ESR1: variants seen among roughly 807,000 people sequenced by gnomAD.
The protein encoded by ESR1 is estrogen receptor 1.
Under a neutral mutation model 52.7 loss-of-function variants are expected in ESR1, and 12 were observed. That is an observed-to-expected ratio of 0.23 (90% confidence interval 0.15 to 0.37). The LOEUF (loss-of-function observed/expected upper bound fraction) is 0.37. Ranked by LOEUF, ESR1 falls within the 10% of genes least tolerant of loss-of-function variation. The probability of loss-of-function intolerance (pLI) is 1.00; values close to 1 mark genes in which losing one functional copy is unlikely to be tolerated. For synonymous variants in ESR1, 305 were observed against 316.8 expected, an observed-to-expected ratio of 0.96 and a Z score of 0.39; for missense variants, 584 against 779.7, an observed-to-expected ratio of 0.75 and a Z score of 2.99.
At chr6:152,031,213 A>G (rs1238635392) in intron 5 of ESR1, among the ~76,000 whole-genome samples, 1 of 152,222 alleles carries the variant, frequency 6.6e-6, no homozygotes, top group Non-Finnish European at 1.5e-5. Flanking sequence ...ACACCCTAAC[A>G]TCACAATTAA....
intron 5 of ESR1, among the ~76,000 whole-genome samples, chr6:152,043,494 T>A (rs1254856103): frequency 1.3e-5 from 2 of 152,190 alleles, no homozygotes; most frequent in Admixed American, 6.5e-5. Context: ...GAACCTCATC[T>A]CTAAGGGGCC....
At chr6:151,864,961 A>C in intron 2 of ESR1, among the ~76,000 whole-genome samples, 1 of 116,786 alleles carries the variant, frequency 8.6e-6, no homozygotes, top group African/African-American at 3.3e-5. Flanking sequence ...GGGGGGAGGG[A>C]TAGCATTAGG....
At chr6:151,798,080 C>T (rs1358833448) in intron 2 of ESR1, among the ~76,000 whole-genome samples, 4 of 152,094 alleles carry the variant, frequency 2.6e-5, no homozygotes, top group Non-Finnish European at 4.4e-5. Context: ...CTGCCGAAAG[C>T]GAGGCCTGAG....
chr6:151,700,120 T>C (rs1051114422), intron 1 of ESR1, among the ~76,000 whole-genome samples: 1 of 152,162 alleles, frequency 6.6e-6, no homozygotes, highest in African/African-American at 2.4e-5. Context: ...GTTGCATGTT[T>C]GTGCAAAATT....
chr6:151,915,189 G>A (rs1440966370), intron 3 of ESR1, among the ~76,000 whole-genome samples: 4 of 149,770 alleles, frequency 2.7e-5, no homozygotes, highest in Admixed American at 6.7e-5. Flanking sequence ...GTGAGATTCC[G>A]TCTCAAAAAA....
chr6:151,749,620 A>G (rs1783751060), intron 2 of ESR1, among the ~76,000 whole-genome samples: 1 of 152,188 alleles, frequency 6.6e-6, no homozygotes, highest in Non-Finnish European at 1.5e-5. Context: ...TACTTCTGAA[A>G]ATACACTGGC....
chr6:152,004,644 C>G (rs866320846), intron 4 of ESR1, among the ~76,000 whole-genome samples: 1 of 151,450 alleles, frequency 6.6e-6, no homozygotes, highest in African/African-American at 2.4e-5. Flanking sequence ...ACCTTTGAAT[C>G]TGTATATGTA....
chr6:151,955,070 A>G (rs994464229), intron 4 of ESR1, among the ~76,000 whole-genome samples: 1 of 152,234 alleles, frequency 6.6e-6, no homozygotes, highest in Non-Finnish European at 1.5e-5. Flanking sequence ...GTCAAAACAC[A>G]TAGCCCCAAT....
chr6:151,855,914 G>A (rs1787744348), intron 2 of ESR1, among the ~76,000 whole-genome samples: 1 of 152,110 alleles, frequency 6.6e-6, no homozygotes. Flanking sequence ...TTTGTCGTTA[G>A]TCATTGCATG....
chr6:151,670,502 A>G (rs1157641204), intron 1 of ESR1, among the ~76,000 whole-genome samples: 1 of 152,178 alleles, frequency 6.6e-6, no homozygotes, highest in Non-Finnish European at 1.5e-5. Context: ...AGCCCAGTTA[A>G]ACGTTTGTTG....
At chr6:151,687,760 T>A (rs1297939759), upstream of ESR1, among the ~76,000 whole-genome samples, 1 of 152,240 alleles carries the variant, frequency 6.6e-6, no homozygotes, top group Non-Finnish European at 1.5e-5. Context: ...TTCATTGTTC[T>A]GTGCTTCTTA....
At chr6:152,125,302 A>G in exon 7 of ESR1, 1 of 1,550,464 alleles carries the variant, frequency 6.4e-7, no homozygotes, top group Non-Finnish European at 8.7e-7. Flanking sequence ...AGAATCCTGA[A>G]CTTGCATCCT....
At chr6:152,097,753 C>A (rs2050738569) in intron 7 of ESR1, among the ~76,000 whole-genome samples, 2 of 152,160 alleles carry the variant, frequency 1.3e-5, no homozygotes, top group Non-Finnish European at 2.9e-5. Context: ...CATTTCCCCC[C>A]TTGTTTTCCT....
chr6:151,921,212 G>T (rs1211938240), intron 3 of ESR1, among the ~76,000 whole-genome samples: 12 of 152,116 alleles, frequency 7.9e-5, no homozygotes, highest in African/African-American at 2.9e-4. Flanking sequence ...GCATTAGTTT[G>T]CTGAGGATAA....
At chr6:151,809,773 C>A (rs900048594) in intron 1 of ESR1, among the ~76,000 whole-genome samples, 62 of 152,058 alleles carry the variant, frequency 4.1e-4, no homozygotes, top group African/African-American at 1.4e-3. Flanking sequence ...AAAAGACAAA[C>A]AATGAACAAA....
chr6:151,930,335 G>A (rs1443694992), intron 3 of ESR1, among the ~76,000 whole-genome samples: 2 of 152,100 alleles, frequency 1.3e-5, no homozygotes, highest in Non-Finnish European at 2.9e-5. Context: ...AAAGTTCACA[G>A]TATACATTTT....
chr6:151,695,845 G>A lies in ESR1; in HGVS notation c.-202+5181G>A, dbSNP rs56881755. ...ATAATTGCATCACATATAGTAATCC[G>A]TTTTAGTATCTTTCACCTTAAAACT... On this transcript the variant is annotated intron_variant, in intron 1 of 2. Coordinates refer to the ESR1 transcript ENST00000404742. Among the ~76,000 whole-genome samples, 40 of 152,204 alleles carry A rather than the reference G, an allele frequency of 2.6e-4. No individual in the cohort carries two copies. The East Asian group carries it at 7.0e-3, about 27-fold the overall frequency.
chr6:151,838,652 T>G (rs1783787210), intron 1 of ESR1, among the ~76,000 whole-genome samples: 1 of 151,576 alleles, frequency 6.6e-6, no homozygotes, highest in African/African-American at 2.4e-5. Flanking sequence ...ATATTCTTTG[T>G]TTTTTTTTAA....
intron 1 of ESR1, among the ~76,000 whole-genome samples, chr6:151,834,828 G>C (rs3003926): frequency 0.49 from 74,679 of 151,434 alleles, 18,921 homozygotes; most frequent in Admixed American, 0.64. Flanking sequence ...GTTTGTGGAA[G>C]AGCTGTGGCA....
Sources: allele counts gnomAD v4.1 joint callset (sites outside exome capture counted in the v4.1 genomes callset), GRCh38; gene constraint gnomAD v4.1.1; transcripts MANE v1.5; gene names NCBI Gene and HGNC (gene_info 2026-07-23, HGNC 2026-07-21).